The following LOC400499 variants were observed in gnomAD, a reference collection of about 807,000 sequenced individuals.
the LOC400499 span, among the ~76,000 whole-genome samples, chr16:11,420,605 C>G: frequency 7.6e-5 from 7 of 91,832 alleles, 1 homozygote; most frequent in East Asian, 1.6e-3. Context: ...AAACCCCCCC[C>G]CCCGGAAAAA....
chr16:11,522,391 A>G, the LOC400499 span, among the ~76,000 whole-genome samples: 62 of 152,290 alleles, frequency 4.1e-4, no homozygotes, highest in African/African-American at 1.4e-3. Context: ...GGCACTATTA[A>G]TAGTTGGGGC....
At chr16:11,464,956 C>A in the LOC400499 span, among the ~76,000 whole-genome samples, 1 of 152,184 alleles carries the variant, frequency 6.6e-6, no homozygotes, top group Non-Finnish European at 1.5e-5. Flanking sequence ...GACAGCTCTC[C>A]CCTGACATAG....
the LOC400499 span, among the ~76,000 whole-genome samples, chr16:11,511,807 A>G: frequency 8.5e-5 from 13 of 152,168 alleles, no homozygotes; most frequent in African/African-American, 2.9e-4. Flanking sequence ...TAGGAGGATC[A>G]CTTGAAACCA....
chr16:11,440,957 G>C, the LOC400499 span: 2 of 399,010 alleles, frequency 5.0e-6, no homozygotes, highest in Non-Finnish European at 8.8e-6. Context: ...AATGGGCCAA[G>C]TCCAGGGCCA....
chr16:11,401,507 A>G, the LOC400499 span: 5 of 398,604 alleles, frequency 1.3e-5, no homozygotes, highest in Non-Finnish European at 2.2e-5. Flanking sequence ...AAGGCTGCAA[A>G]AGGGCAGGTG....
chr16:11,393,633 G>GC, the LOC400499 span: 1 of 1,186,306 alleles, frequency 8.4e-7, no homozygotes, highest in Non-Finnish European at 1.1e-6. Flanking sequence ...CCCGCCCCAG[G>GC]CTCAGGAAGA....
At chr16:11,511,349 C>T in the LOC400499 span, among the ~76,000 whole-genome samples, 695 of 152,086 alleles carry the variant, frequency 4.6e-3, 7 homozygotes, top group African/African-American at 0.015. Context: ...GTGACCTACC[C>T]GTATATTTAC....
chr16:11,377,604 C>T, the LOC400499 span, among the ~76,000 whole-genome samples: 1 of 152,192 alleles, frequency 6.6e-6, no homozygotes, highest in Admixed American at 6.5e-5. Context: ...AATGTGATAT[C>T]TTACATTGAT....
chr16:11,492,866 T>C, the LOC400499 span, among the ~76,000 whole-genome samples: 1 of 152,030 alleles, frequency 6.6e-6, no homozygotes, highest in Non-Finnish European at 1.5e-5. Flanking sequence ...CAGGGGGACC[T>C]GGGAGGTTCA....
At chr16:11,387,975 G>A in the LOC400499 span, among the ~76,000 whole-genome samples, 1 of 152,142 alleles carries the variant, frequency 6.6e-6, no homozygotes, top group Non-Finnish European at 1.5e-5. Context: ...ACTTTCTCAG[G>A]ATCTAGAGTA....
chr16:11,386,110 C>G, the LOC400499 span, among the ~76,000 whole-genome samples: 2 of 152,198 alleles, frequency 1.3e-5, no homozygotes, highest in Non-Finnish European at 2.9e-5. Flanking sequence ...GGGAAACATT[C>G]ACTATGTAAG....
chr16:11,501,666 C>G, the LOC400499 span, among the ~76,000 whole-genome samples: 4 of 152,212 alleles, frequency 2.6e-5, no homozygotes, highest in African/African-American at 9.6e-5. Flanking sequence ...GCCTTACTAG[C>G]CCCAGATCAG....
the LOC400499 span, chr16:11,417,883 G>C: frequency 2.5e-6 from 1 of 398,412 alleles, no homozygotes; most frequent in African/African-American, 2.1e-5. Context: ...TGTGCAGAGA[G>C]AGCCAGCCTG....
At chr16:11,443,911 C>T in the LOC400499 span, among the ~76,000 whole-genome samples, 2 of 152,056 alleles carry the variant, frequency 1.3e-5, no homozygotes, top group African/African-American at 4.8e-5. Flanking sequence ...CTCGGCTCAC[C>T]GTAACGTCTG....
chr16:11,499,585 G>A, the LOC400499 span, among the ~76,000 whole-genome samples: 52 of 152,198 alleles, frequency 3.4e-4, no homozygotes, highest in African/African-American at 5.1e-4. Flanking sequence ...CAAACCCTGC[G>A]GTCAGGGGCC....
chr16:11,407,829 G>A, the LOC400499 span, among the ~76,000 whole-genome samples: 2 of 152,098 alleles, frequency 1.3e-5, no homozygotes, highest in Admixed American at 6.6e-5. Flanking sequence ...GGGTTGCTGC[G>A]AAAATTGTAT....
the LOC400499 span, among the ~76,000 whole-genome samples, chr16:11,396,826 A>C: frequency 6.6e-6 from 1 of 151,988 alleles, no homozygotes; most frequent in Non-Finnish European, 1.5e-5. Context: ...AACGCAAATC[A>C]GATGCCGTCC....
chr16:11,443,185 G>A, the LOC400499 span, among the ~76,000 whole-genome samples: 5 of 151,724 alleles, frequency 3.3e-5, no homozygotes, highest in African/African-American at 1.2e-4. Flanking sequence ...TTAGCCGGGT[G>A]TGGTCATGGG....
At chr16:11,391,892 TGAGGTCCAGGGCAGAGA>T in the LOC400499 span, 1 of 1,147,412 alleles carries the variant, frequency 8.7e-7, no homozygotes, top group Non-Finnish European at 1.1e-6. Context: ...AGAATCAGGG[TGAGGTCCAGGGCAGAGA>T]GAGCCCCAGA....
Sources: allele counts gnomAD v4.1 joint callset (sites outside exome capture counted in the v4.1 genomes callset), GRCh38; gene constraint gnomAD v4.1.1; transcripts MANE v1.5.